The following ARHGAP15 variants were observed in gnomAD, a reference collection of about 807,000 sequenced individuals.
The protein encoded by ARHGAP15 is rho GTPase-activating protein 15.
ARHGAP15 carries 51 observed loss-of-function variants against 63.7 expected under a neutral mutation model. The ratio of observed to expected loss-of-function variants is 0.80; its 90% CI spans 0.64 to 1.01. The LOEUF (loss-of-function observed/expected upper bound fraction) is 1.01, where lower values mean the gene tolerates loss of function less well. Among genes scored for constraint, ARHGAP15 ranks in the 50% least tolerant of loss-of-function variants. ARHGAP15 has a pLI of 0.00. For synonymous variants in ARHGAP15, 191 were observed against 193.8 expected (o/e 0.99, Z 0.12); for missense variants, 560 against 564.6 (o/e 0.99, Z 0.08).
intron 8 of ARHGAP15, among the ~76,000 whole-genome samples, chr2:143,456,767 C>T (rs972780924): frequency 3.3e-5 from 5 of 151,788 alleles, no homozygotes; most frequent in African/African-American, 1.2e-4. Flanking sequence ...CCTTTTGTAA[C>T]TTGCCTTTAA....
chr2:143,277,823 G>T (rs1317018376), intron 6 of ARHGAP15, among the ~76,000 whole-genome samples: 2 of 151,938 alleles, frequency 1.3e-5, no homozygotes, highest in South Asian at 2.1e-4. Flanking sequence ...TCTCCATATG[G>T]TTTATTTAGA....
chr2:143,366,581 G>T (rs376701091), intron 6 of ARHGAP15, among the ~76,000 whole-genome samples: 2 of 151,890 alleles, frequency 1.3e-5, no homozygotes, highest in Non-Finnish European at 2.9e-5. Context: ...TGTGCATTTT[G>T]GTATCGACTT....
At chr2:143,178,052 T>C (rs1443593708) in intron 2 of ARHGAP15, among the ~76,000 whole-genome samples, 1 of 152,198 alleles carries the variant, frequency 6.6e-6, no homozygotes, top group Non-Finnish European at 1.5e-5. Flanking sequence ...AAGAATATAA[T>C]GTCCTGTGAA....
chr2:143,598,678 G>C (rs1395400122), intron 11 of ARHGAP15, among the ~76,000 whole-genome samples: 2 of 152,128 alleles, frequency 1.3e-5, no homozygotes, highest in African/African-American at 4.8e-5. Context: ...AGCTGAGGCG[G>C]GAGGGTCACT....
At chr2:143,308,558 T>C (rs1683288163) in intron 6 of ARHGAP15, among the ~76,000 whole-genome samples, 1 of 151,900 alleles carries the variant, frequency 6.6e-6, no homozygotes, top group Admixed American at 6.6e-5. Context: ...ATGGTAACTA[T>C]TGTAATTATG....
chr2:143,509,012 G>A (rs1195402536), intron 9 of ARHGAP15, among the ~76,000 whole-genome samples: 4 of 152,148 alleles, frequency 2.6e-5, no homozygotes, highest in Non-Finnish European at 4.4e-5. Flanking sequence ...TCCCATCCCT[G>A]AAACTCATCT....
intron 6 of ARHGAP15, among the ~76,000 whole-genome samples, chr2:143,272,200 G>A (rs1259692201): frequency 1.3e-5 from 2 of 152,192 alleles, no homozygotes; most frequent in South Asian, 4.1e-4. Flanking sequence ...ACACATGGTA[G>A]GCTGATGATT....
intron 11 of ARHGAP15, among the ~76,000 whole-genome samples, chr2:143,604,377 A>G (rs1371643847): frequency 1.3e-5 from 2 of 152,216 alleles, no homozygotes; most frequent in South Asian, 2.1e-4. Context: ...TTCTTCACGC[A>G]TCTGAAGCAG....
At chr2:143,269,718 ATT>A (rs1228546271) in intron 6 of ARHGAP15, among the ~76,000 whole-genome samples, 1 of 152,078 alleles carries the variant, frequency 6.6e-6, no homozygotes, top group Non-Finnish European at 1.5e-5. Flanking sequence ...TAAAATATTT[ATT>A]TTTACTATTT....
At chr2:143,389,763 T>C (rs1016145231) in intron 6 of ARHGAP15, among the ~76,000 whole-genome samples, 2 of 152,118 alleles carry the variant, frequency 1.3e-5, no homozygotes, top group African/African-American at 2.4e-5. Flanking sequence ...CAGTCAGTAG[T>C]TGATATTTTT....
rs1053191041 is a variant in ARHGAP15, at chr2:143,503,331, C to A, written c.826+15836C>A. On this transcript the variant is annotated intron_variant, in intron 9 of 13. Transcript: ENST00000295095. ...TCATAAGTTGTAGTGAAAGGGGCAA[C>A]CAAGACTCTTCCTGTGCTATTTAAA... is the stretch of plus-strand genomic sequence containing the variant. Among the ~76,000 whole-genome samples, 4 of 152,230 alleles carry A rather than the reference C, an allele frequency of 2.6e-5. No individual in the cohort carries two copies. The East Asian group carries it at 7.7e-4, about 29-fold the overall frequency.
chr2:143,660,009 C>T (rs1247122374), intron 12 of ARHGAP15, among the ~76,000 whole-genome samples: 1 of 152,112 alleles, frequency 6.6e-6, no homozygotes, highest in East Asian at 1.9e-4. Flanking sequence ...ACCATTGTTC[C>T]TAATCTGTGG....
chr2:143,598,409 G>A (rs1697612530), intron 11 of ARHGAP15, among the ~76,000 whole-genome samples: 1 of 152,168 alleles, frequency 6.6e-6, no homozygotes, highest in Non-Finnish European at 1.5e-5. Context: ...TGTATTAAGT[G>A]AAATACACGT....
chr2:143,663,795 A>C (rs1681978976), intron 12 of ARHGAP15, among the ~76,000 whole-genome samples: 1 of 152,134 alleles, frequency 6.6e-6, no homozygotes, highest in Non-Finnish European at 1.5e-5. Context: ...ACTTTAAACC[A>C]ACAAAGATCA....
chr2:143,211,097 T>C (rs932433803), intron 3 of ARHGAP15, among the ~76,000 whole-genome samples: 2 of 152,158 alleles, frequency 1.3e-5, no homozygotes, highest in African/African-American at 4.8e-5. Flanking sequence ...TTTCTGTTTT[T>C]GATTCTGTTC....
chr2:143,217,116 G>A (rs1380226888), intron 4 of ARHGAP15, among the ~76,000 whole-genome samples: 2 of 152,070 alleles, frequency 1.3e-5, no homozygotes. Context: ...TACCAAATTT[G>A]TAGAAAATGC....
chr2:143,374,293 T>C (rs900454547), intron 6 of ARHGAP15, among the ~76,000 whole-genome samples: 1 of 152,128 alleles, frequency 6.6e-6, no homozygotes, highest in African/African-American at 2.4e-5. Context: ...AATGTACCAC[T>C]TTCACCTGGA....
intron 4 of ARHGAP15, among the ~76,000 whole-genome samples, chr2:143,220,633 A>AT (rs1692955909): frequency 6.6e-6 from 1 of 152,222 alleles, no homozygotes; most frequent in Non-Finnish European, 1.5e-5. Context: ...ATATGCTTTT[A>AT]TCACTAGCAA....
chr2:143,218,310 T>C (rs1358292830), intron 4 of ARHGAP15, among the ~76,000 whole-genome samples: 1 of 146,300 alleles, frequency 6.8e-6, no homozygotes, highest in African/African-American at 2.5e-5. Context: ...GTTGCTGCTG[T>C]TGTTGTTACC....
Sources: allele counts gnomAD v4.1 joint callset (sites outside exome capture counted in the v4.1 genomes callset), GRCh38; gene constraint gnomAD v4.1.1; transcripts MANE v1.5; gene names NCBI Gene and HGNC (gene_info 2026-07-23, HGNC 2026-07-21).